Variants in FZD3 observed in about 807,000 individuals in gnomAD.
The protein encoded by FZD3 is frizzled-3.
In FZD3, 30 loss-of-function variants were observed where a neutral mutation model predicts 60.7. That is an observed-to-expected ratio of 0.49 (90% confidence interval 0.37 to 0.67). FZD3 has a LOEUF of 0.67. FZD3 is among the 30% of genes least tolerant of loss of function. FZD3 has a pLI of 0.00. For missense variants in FZD3, 605 were observed against 838.7 expected, an observed-to-expected ratio of 0.72 and a Z score of 3.44; for synonymous variants, 246 against 275.2, an observed-to-expected ratio of 0.89 and a Z score of 1.05.
chr8:28,511,470 T>A (rs537419807), intron 3 of FZD3, among the ~76,000 whole-genome samples: 1 of 152,146 alleles, frequency 6.6e-6, no homozygotes, highest in Admixed American at 6.5e-5. Flanking sequence ...GTCTGGGTAA[T>A]GGAGTGAGAC....
Position 28,518,286 on chromosome 8 carries a change from G to A in FZD3, c.190-2352G>A, listed in dbSNP as rs1226349846. On this transcript the variant is annotated intron_variant, in intron 3 of 7. Transcript: ENST00000240093. ...TTGCCCAGGCTGGTCTCAAATTCCT[G>A]AGCTCAGGTGATCCTCCTGCCTCGG... Among the ~76,000 whole-genome samples, 3 of 150,422 alleles carry A rather than the reference G, an allele frequency of 2.0e-5. No homozygotes were observed. In the East Asian group the frequency reaches 5.9e-4, roughly 29 times the overall value.
chr8:28,501,730 T>C (rs1220087410), intron 2 of FZD3, among the ~76,000 whole-genome samples: 1 of 152,180 alleles, frequency 6.6e-6, no homozygotes, highest in Non-Finnish European at 1.5e-5. Context: ...AAGTCAGAAA[T>C]TCTAAAGCTC....
chr8:28,520,716 A>T lies in FZD3; in HGVS notation c.268A>T (p.Met90Leu). 6.2e-7 allele frequency: 1 copy of T among 1,612,146 alleles called. No individual in the cohort carries two copies. The highest frequency in any genetic ancestry group is 1.1e-5 in the South Asian group (1 of 90,736). ...FLCALYAPICMEYGRVTLPCR... is the reference protein window; with the variant it reads ...FLCALYAPICLEYGRVTLPCR... ...TTGTGCACTCTACGCTCCTATTTGT[A>T]TGGAATATGGACGTGTCACACTTCC... The change falls in exon 4 of 8, where the codon ATG becomes TTG. Residue 90 changes from methionine (M) to leucine (L), a missense_variant. Coordinates refer to ENST00000240093, the MANE Select transcript of FZD3 (RefSeq NM_017412.4).
intron 5 of FZD3, among the ~76,000 whole-genome samples, chr8:28,536,774 A>G (rs1181964517): frequency 6.6e-6 from 1 of 152,224 alleles, no homozygotes; most frequent in African/African-American, 2.4e-5. Context: ...CACACAAGGC[A>G]TCCCATCTGT....
At position 28,512,086 on chromosome 8, in the gene FZD3, T is replaced by C. The variant is rs28661521; in HGVS notation, c.190-8552T>C. 5.2e-3 allele frequency among the ~76,000 whole-genome samples: 799 copies of C among 152,336 alleles called. 6 individuals are homozygous for C. Among genetic ancestry groups the C allele is most frequent in the African/African-American group, 0.016 (672 of 41,582 alleles). On this transcript the variant is annotated intron_variant, in intron 3 of 7. Coordinates refer to ENST00000240093, the MANE Select transcript of FZD3 (RefSeq NM_017412.4). ...TAATTCCAGTACCAAGGTTACCACA[T>C]ACTTTTGAATACTAGTATTTTACTT...
intron 5 of FZD3, among the ~76,000 whole-genome samples, chr8:28,547,887 C>T (rs190995165): frequency 2.5e-4 from 37 of 149,956 alleles, no homozygotes; most frequent in African/African-American, 7.9e-4. Flanking sequence ...GAGCCTAGCT[C>T]TGTCACCCAG....
chr8:28,502,080 T>C (rs1311971659), intron 2 of FZD3, among the ~76,000 whole-genome samples: 1 of 152,180 alleles, frequency 6.6e-6, no homozygotes, highest in African/African-American at 2.4e-5. Context: ...ACTCATATCA[T>C]CCCTGTGAGC....
At chr8:28,544,195 A>T (rs1357117709) in intron 5 of FZD3, among the ~76,000 whole-genome samples, 3 of 152,136 alleles carry the variant, frequency 2.0e-5, no homozygotes, top group African/African-American at 4.8e-5. Flanking sequence ...AGTTCTAAGT[A>T]CTTTAAGCTT....
Position 28,569,640 on chromosome 8 carries a change from T to C in FZD3, c.*6629T>C, listed in dbSNP as rs1805769215. On this transcript the variant is annotated 3_prime_UTR_variant, in exon 8 of 8. Transcript: ENST00000240093. ...ATGTAAATTGATGGGATTCAGATATTTTATCAACTGTTTTTCCATTAGTGA... is the reference window on the plus strand; with the variant it reads ...ATGTAAATTGATGGGATTCAGATATCTTATCAACTGTTTTTCCATTAGTGA... The C allele has an allele frequency of 6.6e-6, 1 of 152,176 alleles. No homozygotes were observed. The highest frequency in any genetic ancestry group is 2.4e-5 in the African/African-American group (1 of 41,446). 9.4% of individuals were successfully genotyped at this position (152,176 alleles called of 1,614,324 possible).
chr8:28,511,867 T>C (rs1328076993), intron 3 of FZD3, among the ~76,000 whole-genome samples: 4 of 152,188 alleles, frequency 2.6e-5, no homozygotes, highest in African/African-American at 2.4e-5. Context: ...TATTCATCTT[T>C]GTATGCCCAG....
chr8:28,507,654 AAGAT>A (rs1804175334), intron 3 of FZD3, among the ~76,000 whole-genome samples: 1 of 152,242 alleles, frequency 6.6e-6, no homozygotes, highest in Non-Finnish European at 1.5e-5. Context: ...TTATATAAGA[AAGAT>A]AGGATAAGTG....
chr8:28,520,221 C>CAA (rs199633141), intron 3 of FZD3, among the ~76,000 whole-genome samples: 7,999 of 130,952 alleles, frequency 0.061, 816 homozygotes, highest in African/African-American at 0.21. Context: ...AAAAAAACAA[C>CAA]AAAAAAAAAA....
In FZD3 at chr8:28,564,237, T is replaced by G. The variant is rs1461898902; in HGVS notation, c.*1226T>G. 1 of 152,270 alleles carries G rather than the reference T, an allele frequency of 6.6e-6. No individual in the cohort carries two copies. Among genetic ancestry groups the G allele is most frequent in the African/African-American group, 2.4e-5 (1 of 41,440 alleles). The allele number at this position is 152,270 out of a possible 1,614,324, so 9.4% of individuals were successfully genotyped here. ...GTAAAAATGTTTATCTGATAATGTT[T>G]AAATAATTTACAATATAAACTGTAA... On this transcript the variant is annotated 3_prime_UTR_variant, in exon 8 of 8. Coordinates refer to ENST00000240093, the MANE Select transcript of FZD3 (RefSeq NM_017412.4).
chr8:28,498,911 A>T (rs1247091108), intron 1 of FZD3, among the ~76,000 whole-genome samples: 1 of 152,234 alleles, frequency 6.6e-6, no homozygotes, highest in African/African-American at 2.4e-5. Flanking sequence ...CATTTGATTC[A>T]GTTGATTGGT....
intron 5 of FZD3, among the ~76,000 whole-genome samples, chr8:28,532,511 T>A (rs961310577): frequency 3.9e-5 from 6 of 152,142 alleles, no homozygotes; most frequent in African/African-American, 1.4e-4. Context: ...TCTGTAACCA[T>A]GAACTCCCAG....
chr8:28,503,256 C>A (rs1335321644), intron 3 of FZD3, 54 bp downstream of exon 3: 3 of 1,041,218 alleles, frequency 2.9e-6, no homozygotes, highest in African/African-American at 3.2e-5. Flanking sequence ...TTGTGTTGTC[C>A]CATCAGCCAA....
intron 5 of FZD3, among the ~76,000 whole-genome samples, chr8:28,534,380 C>A (rs1246591618): frequency 6.6e-6 from 1 of 152,130 alleles, no homozygotes; most frequent in African/African-American, 2.4e-5. Flanking sequence ...TGGTAAGACC[C>A]CATTTCTACA....
chr8:28,570,076 G>A lies in FZD3; in HGVS notation c.*7065G>A, dbSNP rs1805776962. ...ATAAATATAGTTGCCAGATTGCCAT[G>A]GGCAAGTGAATGTCTTCATTTGAAA... is the stretch of plus-strand genomic sequence containing the variant. On this transcript the variant is annotated 3_prime_UTR_variant, in exon 8 of 8. Coordinates refer to ENST00000240093, the MANE Select transcript of FZD3 (RefSeq NM_017412.4). 2 of 152,318 alleles carry A rather than the reference G, an allele frequency of 1.3e-5. No individual in the cohort carries two copies. Among genetic ancestry groups the A allele is most frequent in the Admixed American group, 6.5e-5 (1 of 15,312 alleles). 9.4% of individuals were successfully genotyped at this position (152,318 alleles called of 1,614,324 possible).
rs1427437172 is a variant in FZD3 at position 28,571,701 on chromosome 8, T to C, written c.*8690T>C. The C allele has an allele frequency of 6.6e-6, 1 of 152,196 alleles. No individual in the cohort carries two copies. The highest frequency in any genetic ancestry group is 2.4e-5 in the African/African-American group (1 of 41,456). 9.4% of individuals were successfully genotyped at this position (152,196 alleles called of 1,614,324 possible). A position where few individuals can be genotyped will look rare whatever the true frequency, so the allele number is the denominator to read the frequency against. On this transcript the variant is annotated 3_prime_UTR_variant, in exon 8 of 8. Coordinates refer to ENST00000240093, the MANE Select transcript of FZD3 (RefSeq NM_017412.4). ...TGTGTTTTATTTTCTCATTGAAGTGTAAAAGTATCACATATATGAAGGAAT... is the reference window on the plus strand; with the variant it reads ...TGTGTTTTATTTTCTCATTGAAGTGCAAAAGTATCACATATATGAAGGAAT...
Sources: allele counts gnomAD v4.1 joint callset (sites outside exome capture counted in the v4.1 genomes callset), GRCh38; gene constraint gnomAD v4.1.1; transcripts MANE v1.5; gene names NCBI Gene and HGNC (gene_info 2026-07-23, HGNC 2026-07-21).